The following THOP1 variants were observed in gnomAD, a reference collection of about 807,000 sequenced individuals.
The protein encoded by THOP1 is thimet oligopeptidase.
Under a neutral mutation model 71.8 loss-of-function variants are expected in THOP1, and 49 were observed. The observed-to-expected ratio is 0.68, with a 90% confidence interval of 0.54 to 0.87. The LOEUF is 0.87. THOP1 is among the 40% of genes least tolerant of loss of function. The pLI is 0.00. For synonymous variants in THOP1, 426 were observed against 421.5 expected, an observed-to-expected ratio of 1.01 and a Z score of -0.13; for missense variants, 843 against 975.6, an observed-to-expected ratio of 0.86 and a Z score of 1.81.
intron 11 of THOP1, 54 bp from the exon 12 acceptor site, chr19:2,811,544 G>A: frequency 1.3e-6 from 2 of 1,572,366 alleles, no homozygotes; most frequent in South Asian, 2.3e-5. Flanking sequence ...TTCTCCTGGA[G>A]GAGGAGCATG....
At position 2,813,615 on chromosome 19, in the gene THOP1, C is replaced by A; in HGVS notation, c.*339C>A. 8.1e-6 allele frequency: 2 copies of A among 246,414 alleles called. No individual in the cohort carries two copies. Among genetic ancestry groups the A allele is most frequent in the Non-Finnish European group, 1.6e-5 (2 of 128,194 alleles). The allele number at this position is 246,414 out of a possible 1,614,324, so 15.3% of individuals were successfully genotyped here. ...CAGAAAAAGAGAGAGGCTCCCTGGC[C>A]TGGTCACTGGCTCCTGCGCTTTTTT... On this transcript the variant is annotated 3_prime_UTR_variant, in exon 13 of 13. Transcript: ENST00000307741.
At chr19:2,807,179 G>A in intron 7 of THOP1, 127 bp downstream of exon 7, 2 of 1,340,546 alleles carry the variant, frequency 1.5e-6, no homozygotes, top group East Asian at 2.5e-5. Context: ...TCTGACGCCT[G>A]CCCTGGCTCC....
intron 5 of THOP1, among the ~76,000 whole-genome samples, chr19:2,802,748 C>T (rs1021343045): frequency 3.3e-5 from 5 of 152,224 alleles, no homozygotes; most frequent in South Asian, 2.1e-4. Context: ...CTTCTGCCGC[C>T]CTCACCCTCT....
chr19:2,810,247 G>A (rs772129508), intron 9 of THOP1, 57 bp from the exon 10 acceptor site: 105 of 1,569,696 alleles, frequency 6.7e-5, no homozygotes, highest in South Asian at 1.4e-4. Flanking sequence ...GGGCCAGGCC[G>A]GCGGGAACGG....
intron 7 of THOP1, 90 bp downstream of exon 7, chr19:2,807,142 T>C (rs973191779): frequency 3.0e-5 from 44 of 1,445,364 alleles, no homozygotes; most frequent in Non-Finnish European, 3.9e-5. Context: ...CCTAGAGCCT[T>C]GTCCTTTCCC....
Position 2,796,143 on chromosome 19 carries a change from G to C in THOP1, c.441G>C (p.Lys147Asn). ...CGCGGTACCTGGAGCGGCTAATCAA[G>C]CTGGGCCGGAGAAATGGGCTTCACC... The part of the protein sequence containing the change: ...EAARYLERLI[K>N]LGRRNGLHLP... Residue 147 changes from lysine (K) to asparagine (N), a missense_variant, in exon 4 of 13, where the codon AAG (lysine) becomes AAC (asparagine). By Grantham distance (94) the Lys-to-Asn change is moderately conservative (BLOSUM62 0). Transcript: ENST00000307741. 1 of 1,613,894 alleles carries C rather than the reference G, an allele frequency of 6.2e-7. No individual in the cohort carries two copies. The highest frequency in any genetic ancestry group is 8.5e-7 in the Non-Finnish European group (1 of 1,179,982).
chr19:2,791,163 C>T (rs1390659337), intron 2 of THOP1, among the ~76,000 whole-genome samples: 1 of 152,210 alleles, frequency 6.6e-6, no homozygotes, highest in African/African-American at 2.4e-5. Context: ...CAGCCCGATC[C>T]TCCTCCTCTC....
intron 8 of THOP1, 129 bp downstream of exon 8, chr19:2,807,937 G>A (rs563009671): frequency 4.9e-5 from 56 of 1,136,328 alleles, no homozygotes; most frequent in Middle Eastern, 3.0e-4. Context: ...ACCCCGAGAC[G>A]TAGCACCCGT....
At chr19:2,787,869 C>T (rs1915787697) in intron 1 of THOP1, among the ~76,000 whole-genome samples, 1 of 152,228 alleles carries the variant, frequency 6.6e-6, no homozygotes, top group South Asian at 2.1e-4. Context: ...AACGATCCGG[C>T]CCCAATGGCC....
At chr19:2,785,843 A>G (rs1364920784) in intron 1 of THOP1, among the ~76,000 whole-genome samples, 165 bp downstream of exon 1, 2 of 152,074 alleles carry the variant, frequency 1.3e-5, no homozygotes, top group East Asian at 3.9e-4. Context: ...CGTTTGCCGA[A>G]TGAATGAACC....
At position 2,803,836 on chromosome 19, in the gene THOP1, C is replaced by G. The variant is rs535222916; in HGVS notation, c.590-1180C>G. Reference sequence around the variant, plus strand: ...ACGGGCTGGCCTCCCAAAATTTCCCCCATCTGCCTCTGGCCCCCCAACCGG... The same window carrying G: ...ACGGGCTGGCCTCCCAAAATTTCCCGCATCTGCCTCTGGCCCCCCAACCGG... On this transcript the variant is annotated intron_variant, in intron 5 of 12. Coordinates refer to ENST00000307741, the MANE Select transcript of THOP1 (RefSeq NM_003249.5). Among the ~76,000 whole-genome samples the G allele has an allele frequency of 2.8e-3, 427 of 152,318 alleles. 3 individuals carry two copies. Among genetic ancestry groups the G allele is most frequent in the African/African-American group, 9.7e-3 (402 of 41,570 alleles).
At position 2,804,376 on chromosome 19, in the gene THOP1, A is replaced by G. The variant is rs1916239130; in HGVS notation, c.590-640A>G. On this transcript the variant is annotated intron_variant, in intron 5 of 12. Transcript: ENST00000307741. This position sits in a 1 kb window ranked among gnomAD's most constrained non-coding sequence, Gnocchi z 4.7. ...CCAGTGAGAAGCTCTGGGAGTAGGA[A>G]TTGGGTCTCTCTGGAGGGACACACT... Among the ~76,000 whole-genome samples, 1 of 152,116 alleles carries G rather than the reference A, an allele frequency of 6.6e-6. No individual in the cohort carries two copies.
At chr19:2,791,672 C>G (rs1001504994) in intron 2 of THOP1, among the ~76,000 whole-genome samples, 1 of 152,210 alleles carries the variant, frequency 6.6e-6, no homozygotes, top group African/African-American at 2.4e-5. Context: ...TCTCATGAGG[C>G]TCAGGTGATA....
At chr19:2,809,257 T>C (rs1916394071) in intron 9 of THOP1, among the ~76,000 whole-genome samples, 1 of 151,916 alleles carries the variant, frequency 6.6e-6, no homozygotes, top group African/African-American at 2.4e-5. Flanking sequence ...GGTGGCTCTG[T>C]CACCCACACC....
At chr19:2,786,706 A>T (rs905715812) in intron 1 of THOP1, among the ~76,000 whole-genome samples, 14 of 149,950 alleles carry the variant, frequency 9.3e-5, no homozygotes, top group African/African-American at 3.5e-4. Flanking sequence ...GGTTCAAGCT[A>T]TGCTGCTTCA....
chr19:2,794,905 G>A lies in THOP1; in HGVS notation c.371G>A (p.Trp124Ter). 1 of 1,610,608 alleles carries A rather than the reference G, an allele frequency of 6.2e-7. No homozygotes were observed. ...GAGGACGTGTACCAGAGGATCGTGT[G>A]GCTCCAGGTGAGGGGGCCCTGCGGG... ...MREDVYQRIVWLQEKVQKDSL... is the reference protein window; with the variant it reads ...MREDVYQRIV Residue 124 changes from tryptophan (W) to a stop codon, truncating the protein, a stop_gained, in exon 3 of 13, where the codon TGG (tryptophan) becomes TAG (stop). Transcript: ENST00000307741. LOFTEE classifies it high-confidence loss of function.
Position 2,810,507 on chromosome 19 carries a change from C to T in THOP1, c.1642+17C>T, listed in dbSNP as rs766694245. The T allele has an allele frequency of 2.7e-5, 41 of 1,544,132 alleles. No individual in the cohort carries two copies. Among genetic ancestry groups the T allele is most frequent in the Middle Eastern group, 2.3e-4 (1 of 4,376 alleles). On this transcript the variant is annotated intron_variant, in intron 10 of 12. Coordinates refer to ENST00000307741, the MANE Select transcript of THOP1 (RefSeq NM_003249.5). ...CCAACACAGGTGCACCCGCCCCGTC[C>T]GGGGAAGGGTGCTAACCTCGGGGGG... is the stretch of plus-strand genomic sequence containing the variant.
intron 4 of THOP1, among the ~76,000 whole-genome samples, chr19:2,799,317 C>T (rs960801991): frequency 6.6e-6 from 1 of 152,108 alleles, no homozygotes; most frequent in Non-Finnish European, 1.5e-5. Flanking sequence ...AGAGCGAGTC[C>T]CTGTCTCAGA....
intron 6 of THOP1, chr19:2,806,538 TG>T (rs1478288268): frequency 3.8e-6 from 1 of 266,024 alleles, no homozygotes; most frequent in African/African-American, 2.3e-5. Flanking sequence ...TCCTCAGAAG[TG>T]AGGCTGTGTG....
Sources: gnomAD v4.1 joint callset for allele counts (sites outside exome capture counted in the v4.1 genomes callset) on GRCh38, gnomAD v4.1.1 for gene constraint, Gnocchi (gnomAD v3.1) non-coding constraint, MANE v1.5 for transcripts, NCBI Gene and HGNC (gene_info 2026-07-23, HGNC 2026-07-21) for gene names.